RBFOX1: variants seen among roughly 807,000 people sequenced by gnomAD.
The protein encoded by RBFOX1 is RNA binding protein fox-1 homolog 1.
A neutral mutation model predicts 57.7 loss-of-function variants in RBFOX1; 8 were observed. The observed-to-expected ratio is 0.14, with a 90% CI of 0.08 to 0.25. The LOEUF (loss-of-function observed/expected upper bound fraction) is 0.25, where lower values mean the gene tolerates loss of function less well. RBFOX1 is among the 10% of genes least tolerant of loss of function. RBFOX1 has a pLI of 1.00. For missense variants in RBFOX1, 611 were observed against 548.5 expected, an observed-to-expected ratio of 1.11 and a Z score of -1.14; for synonymous variants, 326 against 222.4, an observed-to-expected ratio of 1.47 and a Z score of -4.15.
chr16:5,395,686 A>G (rs2066532399), intron 1 of RBFOX1, among the ~76,000 whole-genome samples: 1 of 152,208 alleles, frequency 6.6e-6, no homozygotes, highest in South Asian at 2.1e-4. Flanking sequence ...TTTAGCCAAC[A>G]GAATGTGGCA....
intron 1 of RBFOX1, among the ~76,000 whole-genome samples, chr16:5,437,569 C>A (rs56409376): frequency 0.076 from 11,553 of 152,150 alleles, 836 homozygotes; most frequent in African/African-American, 0.19. Flanking sequence ...TGGATGCAAA[C>A]TTAAAAATTG....
chr16:6,900,738 C>G (rs1337326193), intron 3 of RBFOX1, among the ~76,000 whole-genome samples: 1 of 152,190 alleles, frequency 6.6e-6, no homozygotes, highest in Admixed American at 6.5e-5. Context: ...TATCTTTCGT[C>G]TAAACTGGGA....
At chr16:6,856,363 T>C (rs2057899962) in intron 3 of RBFOX1, among the ~76,000 whole-genome samples, 1 of 152,176 alleles carries the variant, frequency 6.6e-6, no homozygotes. Context: ...ACTAGGATGA[T>C]GAGTAGACTA....
At chr16:7,508,959 A>G (rs753964857) in intron 4 of RBFOX1, among the ~76,000 whole-genome samples, 2 of 152,228 alleles carry the variant, frequency 1.3e-5, no homozygotes, top group Non-Finnish European at 2.9e-5. Context: ...CAAGAAAGAC[A>G]TGAGCAAATA....
At chr16:7,225,905 A>AATCAATAAATATATATATATATATAT (rs1555600462) in intron 4 of RBFOX1, among the ~76,000 whole-genome samples, 1,592 of 93,570 alleles carry the variant, frequency 0.017, 44 homozygotes, top group African/African-American at 0.047. Context: ...AAGTATAATA[A>AATCAATAAATATATATATATATATAT]ATATATATAT....
chr16:6,325,544 C>T (rs2082276983), intron 2 of RBFOX1, among the ~76,000 whole-genome samples: 1 of 152,134 alleles, frequency 6.6e-6, no homozygotes, highest in Non-Finnish European at 1.5e-5. Context: ...AGTAGCTCTG[C>T]TTGCTGTCTC....
chr16:7,485,689 T>G (rs928487280), intron 4 of RBFOX1, among the ~76,000 whole-genome samples: 2 of 152,256 alleles, frequency 1.3e-5, no homozygotes, highest in African/African-American at 4.8e-5. Flanking sequence ...TTTGTTATTA[T>G]GTGAAACACA....
intron 2 of RBFOX1, among the ~76,000 whole-genome samples, chr16:6,596,446 A>C (rs1295889225): frequency 1.3e-5 from 2 of 152,186 alleles, no homozygotes; most frequent in Non-Finnish European, 2.9e-5. Flanking sequence ...TAATTGTAGA[A>C]TGTAAATATA....
At chr16:7,203,909 G>A (rs1316686212) in intron 4 of RBFOX1, among the ~76,000 whole-genome samples, 2 of 152,198 alleles carry the variant, frequency 1.3e-5, no homozygotes, top group Non-Finnish European at 2.9e-5. Context: ...TAGTCAAGAA[G>A]GACAGGTGCA....
intron 3 of RBFOX1, among the ~76,000 whole-genome samples, chr16:5,659,533 G>A (rs1180977673): frequency 6.6e-6 from 1 of 152,050 alleles, no homozygotes; most frequent in African/African-American, 2.4e-5. Context: ...TCAGTCTCCT[G>A]ACCTTGTGAT....
intron 3 of RBFOX1, among the ~76,000 whole-genome samples, chr16:5,637,588 T>A (rs1324911143): frequency 6.6e-6 from 1 of 152,236 alleles, no homozygotes; most frequent in Non-Finnish European, 1.5e-5. Flanking sequence ...GTTCATATGT[T>A]TATGAATTAA....
At chr16:6,378,253 G>T (rs1267750867) in intron 2 of RBFOX1, among the ~76,000 whole-genome samples, 1 of 152,214 alleles carries the variant, frequency 6.6e-6, no homozygotes, top group Non-Finnish European at 1.5e-5. Context: ...GGGCACAGCT[G>T]CCAGTGCTTC....
chr16:6,424,014 T>C (rs1597047021), intron 2 of RBFOX1, among the ~76,000 whole-genome samples: 2 of 151,956 alleles, frequency 1.3e-5, no homozygotes, highest in African/African-American at 2.4e-5. Context: ...CCGAGGCAGG[T>C]GGATCACTAG....
chr16:6,596,263 A>G (rs546485078), intron 2 of RBFOX1, among the ~76,000 whole-genome samples: 109 of 152,202 alleles, frequency 7.2e-4, no homozygotes, highest in African/African-American at 2.5e-3. Flanking sequence ...ATTTAGGCCT[A>G]TGATTCATTT....
chr16:7,493,677 G>A (rs1384700086), intron 4 of RBFOX1, among the ~76,000 whole-genome samples: 1 of 152,172 alleles, frequency 6.6e-6, no homozygotes, highest in Non-Finnish European at 1.5e-5. Flanking sequence ...AGGAATTAAG[G>A]TGGTCATTAG....
chr16:5,925,256 C>T (rs535631798), intron 4 of RBFOX1, among the ~76,000 whole-genome samples: 1 of 152,200 alleles, frequency 6.6e-6, no homozygotes, highest in Non-Finnish European at 1.5e-5. Flanking sequence ...TGGAAGCAAA[C>T]CAAATGTCCA....
chr16:7,579,728 A>G, intron 5 of RBFOX1, 49 bp from the exon 6 acceptor site: 1 of 1,609,540 alleles, frequency 6.2e-7, no homozygotes. Flanking sequence ...ATCGGAAGAG[A>G]GCACTGTGGT....
chr16:7,683,034 A>AT (rs1568439301), intron 14 of RBFOX1, among the ~76,000 whole-genome samples: 5 of 92,588 alleles, frequency 5.4e-5, no homozygotes, highest in African/African-American at 2.1e-4. Flanking sequence ...ATATATATAT[A>AT]AAACAGTGCT....
chr16:7,479,318 T>C lies in RBFOX1; in HGVS notation c.28-38829T>C, dbSNP rs111822204. On this transcript the variant is annotated intron_variant, in intron 4 of 15. Coordinates refer to ENST00000550418, the MANE Select transcript of RBFOX1 (RefSeq NM_018723.4). ...ATTGTATTGTATAGTTTTGTAGAGA[T>C]GGGGGTCTCACTTTGTTGCCCAGGC... is the stretch of plus-strand genomic sequence containing the variant. 3.2e-3 allele frequency among the ~76,000 whole-genome samples: 492 copies of C among 152,034 alleles called. 5 individuals are homozygous for C. Among genetic ancestry groups the C allele is most frequent in the African/African-American group, 0.011 (460 of 41,502 alleles).
Sources: gnomAD v4.1 joint callset for allele counts (sites outside exome capture counted in the v4.1 genomes callset) on GRCh38, gnomAD v4.1.1 for gene constraint, MANE v1.5 for transcripts, NCBI Gene and HGNC (gene_info 2026-07-23, HGNC 2026-07-21) for gene names.